Variants in PTPN6 observed in about 807,000 individuals in gnomAD.
PTPN6 encodes the protein tyrosine-protein phosphatase non-receptor type 6.
A neutral mutation model predicts 81.5 loss-of-function variants in PTPN6; 18 were observed. The ratio of observed to expected loss-of-function variants is 0.22; its 90% CI spans 0.15 to 0.33. The LOEUF (loss-of-function observed/expected upper bound fraction) is 0.33. PTPN6 is among the 10% of genes least tolerant of loss of function. PTPN6 has a pLI of 1.00. For synonymous variants in PTPN6, 301 were observed against 310.9 expected, an observed-to-expected ratio of 0.97 and a Z score of 0.33; for missense variants, 500 against 794.2, an observed-to-expected ratio of 0.63 and a Z score of 4.45.
Position 6,959,805 on chromosome 12 carries a change from C to A in PTPN6, c.1362-122C>A. Reference sequence around the variant, plus strand: ...CTTGCCCGGTGACCCTGGGCACATTCCCTCCCATCACTGGAGGCTCAGGCT... The same window carrying A: ...CTTGCCCGGTGACCCTGGGCACATTACCTCCCATCACTGGAGGCTCAGGCT... On this transcript the variant is annotated intron_variant, in intron 11 of 15. Coordinates refer to ENST00000318974, the MANE Select transcript of PTPN6 (RefSeq NM_002831.6). The surrounding 1 kb of genome is among the most constrained non-coding windows in gnomAD (Gnocchi z 6.6). The A allele has an allele frequency of 9.6e-7, 1 of 1,045,990 alleles. No individual in the cohort carries two copies. The highest frequency in any genetic ancestry group is 1.5e-6 in the Non-Finnish European group (1 of 678,406). The allele number at this position is 1,045,990 out of a possible 1,614,324, so 64.8% of individuals were successfully genotyped here. A position where few individuals can be genotyped will look rare whatever the true frequency, so the allele number is the denominator to read the frequency against.
chr12:6,956,376 G>A lies in PTPN6; in HGVS notation c.925-43G>A, dbSNP rs782103353. 1.2e-6 allele frequency: 2 copies of A among 1,614,046 alleles called. No individual in the cohort carries two copies. Among genetic ancestry groups the A allele is most frequent in the Non-Finnish European group, 1.7e-6 (2 of 1,179,984 alleles). ...GGTTCAGGGCCTGTGCTGGGCCAAG[G>A]GGCTCACTGTCTTGGGGTGCGTCTC... On this transcript the variant is annotated intron_variant, in intron 8 of 15. Coordinates refer to ENST00000318974, the MANE Select transcript of PTPN6 (RefSeq NM_002831.6). The surrounding 1 kb of genome is among the most constrained non-coding windows in gnomAD (Gnocchi z 4.1).
chr12:6,957,794 C>A lies in PTPN6; in HGVS notation c.1206+9C>A, dbSNP rs1173396464. ...TCTCCCCGCTGGACAATGTGAGTGG[C>A]CCCCACGCCCTGCCCCATTCCGGGA... On this transcript the variant is annotated intron_variant, in intron 10 of 15. Transcript: ENST00000318974. This position sits in a 1 kb window ranked among gnomAD's most constrained non-coding sequence, Gnocchi z 6.5. 1.2e-6 allele frequency: 2 copies of A among 1,613,986 alleles called. No homozygotes were observed. The highest frequency in any genetic ancestry group is 4.5e-5 in the East Asian group (2 of 44,902).
Position 6,960,006 on chromosome 12 carries a change from CT to C in PTPN6, c.1429+13del. 7.1e-7 allele frequency: 1 copy of C among 1,411,706 alleles called. No individual in the cohort carries two copies. Among genetic ancestry groups the C allele is most frequent in the Non-Finnish European group, 9.8e-7 (1 of 1,022,586 alleles). The allele number at this position is 1,411,706 out of a possible 1,614,324, so 87.4% of individuals were successfully genotyped here. ...CATCTCCACCAAGGGTGAGGGGCACCTGGGGGTTTGGGGGTGGGGGGTGAGC... is the reference window on the plus strand; with the variant it reads ...CATCTCCACCAAGGGTGAGGGGCACCGGGGGTTTGGGGGTGGGGGGTGAGC... On this transcript the variant is annotated intron_variant, in intron 12 of 15. Coordinates refer to ENST00000318974, the MANE Select transcript of PTPN6 (RefSeq NM_002831.6). The surrounding 1 kb of genome is among the most constrained non-coding windows in gnomAD (Gnocchi z 6.1).
At position 6,957,708 on chromosome 12, in the gene PTPN6, T is replaced by C; in HGVS notation, c.1129T>C (p.Tyr377His). Reference sequence around the variant, plus strand: ...GGGCATGCAGCGTGCTTATGGGCCCTACTCTGTGACCAACTGCGGGGAGCA... The same window carrying C: ...GGGCATGCAGCGTGCTTATGGGCCCCACTCTGTGACCAACTGCGGGGAGCA... ...EVGMQRAYGP[Y>H]SVTNCGEHDT... The change falls in exon 10 of 16, where the codon TAC becomes CAC. Residue 377 changes from tyrosine to histidine, a missense_variant. Tyr to His is a moderately conservative substitution (Grantham distance 83). Coordinates refer to ENST00000318974, the MANE Select transcript of PTPN6 (RefSeq NM_002831.6). The surrounding 1 kb of genome is among the most constrained non-coding windows in gnomAD (Gnocchi z 6.5). 6.5e-7 allele frequency: 1 copy of C among 1,532,704 alleles called. No individual in the cohort carries two copies. The highest frequency in any genetic ancestry group is 8.9e-7 in the Non-Finnish European group (1 of 1,128,260). The allele number at this position is 1,532,704 out of a possible 1,614,324, so 94.9% of individuals were successfully genotyped here.
rs371353483 is a variant in PTPN6 at position 6,954,790 on chromosome 12, C to T, written c.327-15C>T. ...GTGGCCTGGGTCTTACCTTCCCTGACGCTGCCTTCTCTAGGTGGTACCATG... is the reference window on the plus strand; with the variant it reads ...GTGGCCTGGGTCTTACCTTCCCTGATGCTGCCTTCTCTAGGTGGTACCATG... On this transcript the variant is annotated splice_polypyrimidine_tract_variant and intron_variant, in intron 3 of 15. Transcript: ENST00000318974. This position sits in a 1 kb window ranked among gnomAD's most constrained non-coding sequence, Gnocchi z 5.4. 3.0e-5 allele frequency: 48 copies of T among 1,612,328 alleles called. No individual in the cohort carries two copies. Among genetic ancestry groups the T allele is most frequent in the South Asian group, 2.1e-4 (19 of 91,076 alleles).
At position 6,960,574 on chromosome 12, in the gene PTPN6, C is replaced by A; in HGVS notation, c.1673+139C>A. 1 of 1,434,096 alleles carries A rather than the reference C, an allele frequency of 7.0e-7. No homozygotes were observed. Among genetic ancestry groups the A allele is most frequent in the South Asian group, 1.2e-5 (1 of 81,860 alleles). 88.8% of individuals were successfully genotyped at this position (1,434,096 alleles called of 1,614,324 possible). A position where few individuals can be genotyped will look rare whatever the true frequency, so the allele number is the denominator to read the frequency against. ...AGGCTTGGTTCTCACCCCTTCTGTT[C>A]ATAAGCATTTCCTGAGTGCCCACAC... On this transcript the variant is annotated intron_variant, in intron 14 of 15. Transcript: ENST00000318974. The surrounding 1 kb of genome is among the most constrained non-coding windows in gnomAD (Gnocchi z 6.1).
At position 6,956,509 on chromosome 12, in the gene PTPN6, G is replaced by T; in HGVS notation, c.1015G>T (p.Ala339Ser). Residue 339 changes from alanine (A) to serine (S), a missense_variant, in exon 9 of 16, where the codon GCG becomes TCG. Physicochemically the swap from Ala to Ser is moderately conservative, Grantham distance 99. This residue lies in a region of PTPN6 where 226 missense variants were observed against 364.4 expected (regional missense o/e 0.62). Coordinates refer to ENST00000318974, the MANE Select transcript of PTPN6 (RefSeq NM_002831.6). The surrounding 1 kb of genome is among the most constrained non-coding windows in gnomAD (Gnocchi z 4.1). ...CACGGTCAATGACTTCTGGCAGATG[G>T]CGTGGCAGGAGAACAGCCGTGTCAT... is the stretch of plus-strand genomic sequence containing the variant. The part of the protein sequence containing the change: ...EATVNDFWQM[A>S]WQENSRVIVM... 1 of 1,614,026 alleles carries T rather than the reference G, an allele frequency of 6.2e-7. No individual in the cohort carries two copies. The highest frequency in any genetic ancestry group is 8.5e-7 in the Non-Finnish European group (1 of 1,180,028).
chr12:6,947,686 AAG>A (rs1945852067), upstream of PTPN6, among the ~76,000 whole-genome samples: 1 of 151,564 alleles, frequency 6.6e-6, no homozygotes, highest in South Asian at 2.1e-4. Context: ...AAAAAAAAAA[AAG>A]AAAATGAACC....
Position 6,956,112 on chromosome 12 carries a change from C to T in PTPN6, c.845-30C>T, listed in dbSNP as rs1209118212. 5 of 1,611,938 alleles carry T rather than the reference C, an allele frequency of 3.1e-6. No homozygotes were observed. The highest frequency in any genetic ancestry group is 2.2e-5 in the East Asian group (1 of 44,888). ...GTGGTGAGTCCCTGGCTAACCCAGACCATCTCGCCTCCTCTCCGCCCACTC... is the reference window on the plus strand; with the variant it reads ...GTGGTGAGTCCCTGGCTAACCCAGATCATCTCGCCTCCTCTCCGCCCACTC... On this transcript the variant is annotated intron_variant, in intron 7 of 15. Transcript: ENST00000318974. The surrounding 1 kb of genome is among the most constrained non-coding windows in gnomAD (Gnocchi z 4.1).
chr12:6,956,219 A>C lies in PTPN6; in HGVS notation c.922A>C (p.Lys308Gln). The C allele has an allele frequency of 6.2e-7, 1 of 1,613,894 alleles. No individual in the cohort carries two copies. The highest frequency in any genetic ancestry group is 1.1e-5 in the South Asian group (1 of 91,076). The change falls in exon 8 of 16, where the codon AAG (lysine) becomes CAG (glutamine). Residue 308 changes from lysine to glutamine, a missense_variant and splice_region_variant. By Grantham distance (53) the Lys-to-Gln change is moderately conservative. Coordinates refer to ENST00000318974, the MANE Select transcript of PTPN6 (RefSeq NM_002831.6). This position sits in a 1 kb window ranked among gnomAD's most constrained non-coding sequence, Gnocchi z 4.1. ...CGACTACATCAATGCCAACTACATC[A>C]AGGTCAGCAGTGTGGGCCACGTGGG... ...GSDYINANYIKNQLLGPDENA... is the reference protein window; with the variant it reads ...GSDYINANYIQNQLLGPDENA...
rs782680004 is a variant in PTPN6, at chr12:6,952,302, C to T, written c.326+125C>T. ...CCTCCATCCCCTCCCCTCCCTGCAC[C>T]AGCTGGGGCTCTCAATGTCCCTCCT... On this transcript the variant is annotated intron_variant, in intron 3 of 15. Coordinates refer to ENST00000318974, the MANE Select transcript of PTPN6 (RefSeq NM_002831.6). The surrounding 1 kb of genome is among the most constrained non-coding windows in gnomAD (Gnocchi z 8.1). The T allele has an allele frequency of 9.7e-5, 114 of 1,176,236 alleles. No homozygotes were observed. The highest frequency in any genetic ancestry group is 1.9e-4 in the Admixed American group (10 of 53,908). 72.9% of individuals were successfully genotyped at this position (1,176,236 alleles called of 1,614,324 possible).
chr12:6,957,816 G>T lies in PTPN6; in HGVS notation c.1206+31G>T, dbSNP rs368818350. 23 of 1,614,046 alleles carry T rather than the reference G, an allele frequency of 1.4e-5. No homozygotes were observed. The highest frequency in any genetic ancestry group is 1.9e-5 in the Non-Finnish European group (22 of 1,180,006). The stretch of plus-strand genomic sequence containing the variant: ...TGGCCCCCACGCCCTGCCCCATTCC[G>T]GGAGTCCCTCCCTGGACTTGTTCTC... On this transcript the variant is annotated intron_variant, in intron 10 of 15. Coordinates refer to ENST00000318974, the MANE Select transcript of PTPN6 (RefSeq NM_002831.6). The surrounding 1 kb of genome is among the most constrained non-coding windows in gnomAD (Gnocchi z 6.5).
upstream of PTPN6, among the ~76,000 whole-genome samples, chr12:6,951,012 CATT>C (rs1565579323): frequency 1.3e-5 from 2 of 152,234 alleles, no homozygotes; most frequent in Non-Finnish European, 2.9e-5. This position sits in a 1 kb window ranked among gnomAD's most constrained non-coding sequence, Gnocchi z 7.2. Flanking sequence ...TCACCGCCAT[CATT>C]GTTATTAGCG....
chr12:6,948,103 T>G (rs936359933), upstream of PTPN6, among the ~76,000 whole-genome samples: 18 of 151,762 alleles, frequency 1.2e-4, no homozygotes, highest in Middle Eastern at 0.01. Flanking sequence ...CTGGGCAACA[T>G]AGAGAGACCC....
At position 6,952,614 on chromosome 12, in the gene PTPN6, G is replaced by A; in HGVS notation, c.326+437G>A. The A allele has an allele frequency of 3.6e-6, 1 of 274,490 alleles. No individual in the cohort carries two copies. The allele number at this position is 274,490 out of a possible 1,614,324, so 17.0% of individuals were successfully genotyped here. On this transcript the variant is annotated intron_variant, in intron 3 of 15. Transcript: ENST00000318974. The surrounding 1 kb of genome is among the most constrained non-coding windows in gnomAD (Gnocchi z 8.1). The stretch of plus-strand genomic sequence containing the variant: ...AGGAGCTGACACTGGGGTGAAGATG[G>A]GGATGAATGCTTGCCAAGACACTTG...
chr12:6,946,845 C>A, upstream of PTPN6: 1 of 1,246,244 alleles, frequency 8.0e-7, no homozygotes, highest in Non-Finnish European at 1.2e-6. Context: ...TGCGATCTGC[C>A]GCTGCCCTGC....
chr12:6,951,494 C>G lies in PTPN6; in HGVS notation c.-19C>G, dbSNP rs782589296. 7 of 1,613,888 alleles carry G rather than the reference C, an allele frequency of 4.3e-6. No homozygotes were observed. Among genetic ancestry groups the G allele is most frequent in the South Asian group, 2.2e-5 (2 of 91,080 alleles). ...CCTCCTCATTCCCTGCGCCCCCTTC[C>G]TCTCCGGAAGCCCCCAGGATGGTGA... is the stretch of plus-strand genomic sequence containing the variant. On this transcript the variant is annotated 5_prime_UTR_variant, in exon 1 of 16. Coordinates refer to ENST00000318974, the MANE Select transcript of PTPN6 (RefSeq NM_002831.6). This position sits in a 1 kb window ranked among gnomAD's most constrained non-coding sequence, Gnocchi z 7.2.
rs190247406 is a variant in PTPN6 at position 6,957,662 on chromosome 12, C to T, written c.1083C>T (p.Cys361=). 9.0e-4 allele frequency: 1,262 copies of T among 1,394,556 alleles called. 8 individuals carry two copies. The African/African-American group carries it at 0.011, about 12-fold the overall frequency. 86.4% of individuals were successfully genotyped at this position (1,394,556 alleles called of 1,614,324 possible). The change falls in exon 10 of 16, where the codon TGC becomes TGT. Residue 361 remains cysteine (C), a synonymous_variant. Transcript: ENST00000318974. The surrounding 1 kb of genome is among the most constrained non-coding windows in gnomAD (Gnocchi z 6.5). The part of the protein sequence containing the change: ...TREVEKGRNK[C]VPYWPEVGMQ... Reference sequence around the variant, plus strand: ...CGACCCTCCCTTTCCAGAACAAATGCGTCCCATACTGGCCCGAGGTGGGCA... The same window carrying T: ...CGACCCTCCCTTTCCAGAACAAATGTGTCCCATACTGGCCCGAGGTGGGCA...
rs1244632414 is a variant in PTPN6, at chr12:6,957,854, G to T, written c.1207-65G>T. 4 of 1,614,006 alleles carry T rather than the reference G, an allele frequency of 2.5e-6. No individual in the cohort carries two copies. The East Asian group carries it at 8.9e-5, about 36-fold the overall frequency. On this transcript the variant is annotated intron_variant, in intron 10 of 15. Coordinates refer to ENST00000318974, the MANE Select transcript of PTPN6 (RefSeq NM_002831.6). This position sits in a 1 kb window ranked among gnomAD's most constrained non-coding sequence, Gnocchi z 6.5. ...TGGACTTGTTCTCCTCTCTGGTCGG[G>T]TAGGGTGAGATGGATGAGGTGTTCC...
Sources: allele counts gnomAD v4.1 joint callset (sites outside exome capture counted in the v4.1 genomes callset), GRCh38; gene constraint gnomAD v4.1.1; regional missense constraint gnomAD v4.1.1; non-coding constraint Gnocchi (gnomAD v3.1); transcripts MANE v1.5; gene names NCBI Gene and HGNC (gene_info 2026-07-23, HGNC 2026-07-21).